MYO16: variants seen among roughly 807,000 people sequenced by gnomAD.
MYO16 encodes the protein myosin XVI.
In MYO16, 94 loss-of-function variants were observed where a neutral mutation model predicts 205.3. That is an observed-to-expected ratio of 0.46 (90% CI 0.39 to 0.54). The LOEUF is 0.54. Ranked by LOEUF, MYO16 falls within the 20% of genes least tolerant of loss-of-function variation. The pLI, the probability that MYO16 is intolerant of heterozygous loss-of-function variation, is 0.00. For missense variants in MYO16, 2,315 were observed against 2,387.5 expected (o/e 0.97, Z 0.63); for synonymous variants, 988 against 954.0 (o/e 1.04, Z -0.66).
chr13:109,102,705 C>G (rs1889010078), intron 28 of MYO16, among the ~76,000 whole-genome samples: 2 of 152,036 alleles, frequency 1.3e-5, no homozygotes, highest in African/African-American at 4.8e-5. Flanking sequence ...TGAGAGGAGA[C>G]CAGAAGACAA....
At chr13:109,083,383 C>CAAAAAAAAAA (rs71125367) in intron 27 of MYO16, among the ~76,000 whole-genome samples, 2 of 52,324 alleles carry the variant, frequency 3.8e-5, no homozygotes, top group African/African-American at 8.7e-5. Context: ...AACTCCGTCT[C>CAAAAAAAAAA]AAAAAAAAAA....
chr13:109,153,764 A>G (rs1450897378), intron 32 of MYO16, among the ~76,000 whole-genome samples: 1 of 152,222 alleles, frequency 6.6e-6, no homozygotes, highest in African/African-American at 2.4e-5. Flanking sequence ...GTCTCAAAAA[A>G]AAAGTGATTA....
chr13:109,050,323 T>C (rs1010052780), intron 24 of MYO16, among the ~76,000 whole-genome samples: 6 of 152,106 alleles, frequency 3.9e-5, no homozygotes, highest in Non-Finnish European at 8.8e-5. Flanking sequence ...GTTTATTTGC[T>C]ATTTCTTTAT....
chr13:108,787,311 A>G (rs1259145732), intron 5 of MYO16, among the ~76,000 whole-genome samples: 2 of 152,244 alleles, frequency 1.3e-5, no homozygotes, highest in Non-Finnish European at 2.9e-5. Flanking sequence ...TCATACTGCA[A>G]TGAATGGTTT....
chr13:108,937,695 T>C (rs1882553524), intron 16 of MYO16, among the ~76,000 whole-genome samples: 1 of 152,226 alleles, frequency 6.6e-6, no homozygotes, highest in East Asian at 1.9e-4. Flanking sequence ...TAAGTAAGCT[T>C]TTAAATTTCA....
chr13:109,188,477 C>A (rs1027534091), intron 34 of MYO16, among the ~76,000 whole-genome samples: 1 of 152,078 alleles, frequency 6.6e-6, no homozygotes, highest in Non-Finnish European at 1.5e-5. Flanking sequence ...GAGACCATTT[C>A]TATTAATGTA....
At chr13:109,115,973 A>G (rs1475211668) in intron 28 of MYO16, among the ~76,000 whole-genome samples, 1 of 152,092 alleles carries the variant, frequency 6.6e-6, no homozygotes, top group Non-Finnish European at 1.5e-5. Context: ...AAAAAAACAA[A>G]CAAACAAACA....
intron 1 of MYO16, among the ~76,000 whole-genome samples, chr13:108,621,666 T>A (rs951077226): frequency 6.6e-6 from 1 of 152,106 alleles, no homozygotes; most frequent in Non-Finnish European, 1.5e-5. Flanking sequence ...AAGCAGATGA[T>A]CCTCTCTTGG....
chr13:108,519,286 G>A, the MYO16 span, among the ~76,000 whole-genome samples: 50,089 of 151,782 alleles, frequency 0.33, 10,130 homozygotes, highest in African/African-American at 0.57. Context: ...GTGTAGGAAA[G>A]CCAGCTCTCT....
chr13:108,713,846 T>C (rs1311189803), intron 3 of MYO16, among the ~76,000 whole-genome samples: 1 of 152,150 alleles, frequency 6.6e-6, no homozygotes, highest in Non-Finnish European at 1.5e-5. Flanking sequence ...ACGTTTTCCT[T>C]CTCTGGAATG....
intron 1 of MYO16, among the ~76,000 whole-genome samples, chr13:108,596,998 C>A (rs370738106): frequency 6.6e-6 from 1 of 152,078 alleles, no homozygotes; most frequent in African/African-American, 2.4e-5. Context: ...ATCCTAAGTA[C>A]GCTGATTTGG....
chr13:109,128,050 T>A (rs1876351375), intron 31 of MYO16, among the ~76,000 whole-genome samples: 1 of 152,226 alleles, frequency 6.6e-6, no homozygotes, highest in African/African-American at 2.4e-5. Flanking sequence ...GAAACAGGGA[T>A]GCTCAAAAGG....
At chr13:108,990,640 C>A (rs1193207071) in intron 20 of MYO16, among the ~76,000 whole-genome samples, 1 of 152,118 alleles carries the variant, frequency 6.6e-6, no homozygotes, top group Non-Finnish European at 1.5e-5. Context: ...TTCTTATAAA[C>A]TAAGTCAATT....
intron 4 of MYO16, among the ~76,000 whole-genome samples, chr13:108,734,135 C>G (rs1884613198): frequency 6.6e-6 from 1 of 151,924 alleles, no homozygotes; most frequent in South Asian, 2.1e-4. Flanking sequence ...ATAAACAGAT[C>G]AGCATATCAC....
intron 16 of MYO16, among the ~76,000 whole-genome samples, chr13:108,954,745 GTAATAA>G (rs977536865): frequency 6.6e-5 from 10 of 152,040 alleles, no homozygotes; most frequent in African/African-American, 2.4e-4. Flanking sequence ...TATAATAATA[GTAATAA>G]TAATAATAAA....
chr13:108,899,122 A>G (rs1226248797), intron 15 of MYO16, among the ~76,000 whole-genome samples: 2 of 152,188 alleles, frequency 1.3e-5, no homozygotes, highest in Admixed American at 6.5e-5. Context: ...GTGATAAATA[A>G]CATGCATAAA....
chr13:108,779,206 G>A (rs1886220881), intron 4 of MYO16, among the ~76,000 whole-genome samples: 1 of 152,164 alleles, frequency 6.6e-6, no homozygotes, highest in Admixed American at 6.5e-5. Context: ...CTAGGCTAAC[G>A]ACACCCCTCA....
chr13:109,193,462 G>A (rs1032091271), intron 34 of MYO16, among the ~76,000 whole-genome samples: 2 of 151,896 alleles, frequency 1.3e-5, no homozygotes, highest in Non-Finnish European at 2.9e-5. Flanking sequence ...AAATCTAGTT[G>A]GATTGGGTTC....
intron 3 of MYO16, among the ~76,000 whole-genome samples, chr13:108,725,329 A>G (rs1453500280): frequency 2.0e-5 from 3 of 151,932 alleles, no homozygotes; most frequent in Non-Finnish European, 4.4e-5. Context: ...GCTTTTTTGT[A>G]TACTTGGCAA....
Sources: gnomAD v4.1 joint callset for allele counts (sites outside exome capture counted in the v4.1 genomes callset) on GRCh38, gnomAD v4.1.1 for gene constraint, MANE v1.5 for transcripts, NCBI Gene and HGNC (gene_info 2026-07-23, HGNC 2026-07-21) for gene names.